Variants in ZFAND4 observed in about 807,000 individuals in gnomAD.
The protein encoded by ZFAND4 is AN1-type zinc finger protein 4.
In ZFAND4, 43 loss-of-function variants were observed where a neutral mutation model predicts 64.4. The ratio of observed to expected loss-of-function variants is 0.67; its 90% CI spans 0.52 to 0.86. The LOEUF (loss-of-function observed/expected upper bound fraction) is 0.86. Among genes scored for constraint, ZFAND4 ranks in the 40% least tolerant of loss-of-function variants. The pLI, the probability that ZFAND4 is intolerant of heterozygous loss-of-function variation, is 0.00. For synonymous variants in ZFAND4, 296 were observed against 305.7 expected (o/e 0.97, Z 0.33); for missense variants, 929 against 859.8 (o/e 1.08, Z -1.01).
In ZFAND4 at chr10:45,663,553, C is replaced by G. The variant is rs1346322819; in HGVS notation, c.173G>C (p.Arg58Pro). ...ETVISVKAKIRRLEGIPICRQ... is the reference protein window; with the variant it reads ...ETVISVKAKIPRLEGIPICRQ... ...AGAAAGATGAGTACCTTCCAATCTT[C>G]GAATTTTTGCTTTCACAGAAATAAC... The change falls in exon 2 of 10, where the codon CGA becomes CCA. Residue 58 changes from arginine (R) to proline (P), a missense_variant. Arg to Pro is a moderately radical substitution (Grantham distance 103). Coordinates refer to ENST00000344646, the MANE Select transcript of ZFAND4 (RefSeq NM_174890.4). 1 of 1,589,980 alleles carries G rather than the reference C, an allele frequency of 6.3e-7. No homozygotes were observed. The highest frequency in any genetic ancestry group is 1.2e-5 in the South Asian group (1 of 85,828).
chr10:45,652,041 T>G lies in ZFAND4; in HGVS notation c.261-8A>C. ...GTACACCCTTCTGAAATGCTGTGGA[T>G]AGTTAACACAAAAATAAATCATAAT... is the stretch of plus-strand genomic sequence containing the variant. On this transcript the variant is annotated splice_region_variant and splice_polypyrimidine_tract_variant and intron_variant, in intron 3 of 9. Transcript: ENST00000344646. 2 of 1,613,366 alleles carry G rather than the reference T, an allele frequency of 1.2e-6. No homozygotes were observed. Among genetic ancestry groups the G allele is most frequent in the Non-Finnish European group, 1.7e-6 (2 of 1,179,462 alleles).
At chr10:45,637,606 C>T (rs559989800) in intron 6 of ZFAND4, among the ~76,000 whole-genome samples, 19 of 151,852 alleles carry the variant, frequency 1.3e-4, no homozygotes, top group African/African-American at 3.4e-4. Context: ...AAAAATTAGC[C>T]GGGCGTGGAG....
chr10:45,647,588 C>A (rs772030851), intron 5 of ZFAND4, among the ~76,000 whole-genome samples: 9 of 151,936 alleles, frequency 5.9e-5, no homozygotes, highest in Admixed American at 5.2e-4. Context: ...TAATAAAGGC[C>A]CTGTCATCTA....
chr10:45,635,229 C>CAAAAAAAAAAAA (rs1216684562), intron 6 of ZFAND4, among the ~76,000 whole-genome samples: 1 of 110,012 alleles, frequency 9.1e-6, no homozygotes, highest in Admixed American at 9.6e-5. Context: ...AAAAAACAAA[C>CAAAAAAAAAAAA]AAAAAAAAAC....
rs553224314 is a variant in ZFAND4, at chr10:45,634,523, T to A, written c.717+5293A>T. ...CAGCCTGGGCAACAGCAAGACTCCA[T>A]CTCAAAAAAAAAAAAAAAGAATTAA... is the stretch of plus-strand genomic sequence containing the variant. On this transcript the variant is annotated intron_variant, in intron 6 of 9. Transcript: ENST00000344646. Among the ~76,000 whole-genome samples, 23 of 142,016 alleles carry A rather than the reference T, an allele frequency of 1.6e-4. No homozygotes were observed. The South Asian group carries it at 3.5e-3, about 22-fold the overall frequency. 93.2% of individuals were successfully genotyped at this position (142,016 alleles called of 152,430 possible). A position where few individuals can be genotyped will look rare whatever the true frequency, so the allele number is the denominator to read the frequency against.
At chr10:45,648,637 G>T in intron 4 of ZFAND4, 103 bp from the exon 5 acceptor site, 1 of 1,235,758 alleles carries the variant, frequency 8.1e-7, no homozygotes, top group Non-Finnish European at 1.1e-6. Context: ...ACAGTCCTGT[G>T]CATATAATAT....
At chr10:45,648,678 T>C in intron 4 of ZFAND4, 144 bp from the exon 5 acceptor site, 3 of 968,824 alleles carry the variant, frequency 3.1e-6, no homozygotes, top group Non-Finnish European at 4.2e-6. Context: ...AAGTTTCTGA[T>C]CTTTCTACAA....
chr10:45,620,545 T>C (rs1213574166), intron 8 of ZFAND4, among the ~76,000 whole-genome samples: 1 of 152,148 alleles, frequency 6.6e-6, no homozygotes, highest in Non-Finnish European at 1.5e-5. Context: ...AGTAATGAGG[T>C]AGCACAAAAA....
At chr10:45,634,201 GA>G (rs2046401072) in intron 6 of ZFAND4, among the ~76,000 whole-genome samples, 1 of 152,140 alleles carries the variant, frequency 6.6e-6, no homozygotes, top group Admixed American at 6.6e-5. Context: ...ATTAATTGAT[GA>G]ATCTAGTCTT....
chr10:45,617,316 C>T (rs1244019162), intron 9 of ZFAND4, among the ~76,000 whole-genome samples: 3 of 151,630 alleles, frequency 2.0e-5, no homozygotes, highest in African/African-American at 7.3e-5. Context: ...TCATTCGAAC[C>T]GAATACACTC....
intron 6 of ZFAND4, among the ~76,000 whole-genome samples, chr10:45,636,068 C>G (rs2046575484): frequency 6.6e-6 from 1 of 151,918 alleles, no homozygotes. Context: ...TAATTTAAAT[C>G]TAAAGAAATG....
intron 6 of ZFAND4, among the ~76,000 whole-genome samples, chr10:45,634,004 A>G (rs1285596176): frequency 1.3e-5 from 2 of 152,216 alleles, no homozygotes; most frequent in Non-Finnish European, 2.9e-5. Flanking sequence ...GGGAAATATG[A>G]ATATAGATGA....
At position 45,646,602 on chromosome 10, in the gene ZFAND4, G is replaced by A. The variant is rs368772672; in HGVS notation, c.569+1692C>T. Among the ~76,000 whole-genome samples the A allele has an allele frequency of 1.1e-4, 17 of 152,266 alleles. No individual in the cohort carries two copies. The East Asian group carries it at 1.5e-3, about 14-fold the overall frequency. On this transcript the variant is annotated intron_variant, in intron 5 of 9. Coordinates refer to ENST00000344646, the MANE Select transcript of ZFAND4 (RefSeq NM_174890.4). ...GGCTGAGGAGAAGCTGGAGTAAGAG[G>A]AGAAAATGACGTTTCAAGCAAAGGA...
chr10:45,663,085 C>T (rs2048579746), intron 2 of ZFAND4, among the ~76,000 whole-genome samples: 1 of 148,632 alleles, frequency 6.7e-6, no homozygotes, highest in African/African-American at 2.5e-5. Context: ...TAAATGTAAG[C>T]CAAAGACTCT....
At chr10:45,633,450 G>C (rs1329304852) in intron 6 of ZFAND4, among the ~76,000 whole-genome samples, 1 of 151,994 alleles carries the variant, frequency 6.6e-6, no homozygotes, top group Non-Finnish European at 1.5e-5. Flanking sequence ...TGCACACATA[G>C]TCCCAGCTAC....
chr10:45,616,455 G>T lies in ZFAND4; in HGVS notation c.2165C>A (p.Pro722Gln). ...LHEANPVVNA[P>Q]KLPKI is the part of the protein sequence containing the mutation. ...GAAGAGTTAGATTTTTGGAAGCTTT[G>T]GTGCATTAACCACAGGATTTGCCTC... The change falls in exon 10 of 10, where the codon CCA becomes CAA. Residue 722 changes from proline (P) to glutamine (Q), a missense_variant. Transcript: ENST00000344646. 2 of 1,614,072 alleles carry T rather than the reference G, an allele frequency of 1.2e-6. No homozygotes were observed. The highest frequency in any genetic ancestry group is 1.7e-6 in the Non-Finnish European group (2 of 1,179,974).
intron 2 of ZFAND4, among the ~76,000 whole-genome samples, chr10:45,656,031 A>G (rs909142923): frequency 6.6e-6 from 1 of 151,302 alleles, no homozygotes; most frequent in Non-Finnish European, 1.5e-5. Flanking sequence ...GGAGATCAAG[A>G]CCATCCTGGC....
At chr10:45,651,797 C>T (rs2047775299) in intron 4 of ZFAND4, among the ~76,000 whole-genome samples, 169 bp downstream of exon 4, 1 of 152,094 alleles carries the variant, frequency 6.6e-6, no homozygotes, top group Non-Finnish European at 1.5e-5. Flanking sequence ...TTTTAGAGTT[C>T]CAGCCTCTAG....
At chr10:45,640,918 C>A (rs181681895) in intron 5 of ZFAND4, among the ~76,000 whole-genome samples, 2 of 152,260 alleles carry the variant, frequency 1.3e-5, no homozygotes, top group East Asian at 3.9e-4. Flanking sequence ...AGCTATTAAA[C>A]AGGTTAAACA....
Sources: allele counts gnomAD v4.1 joint callset (sites outside exome capture counted in the v4.1 genomes callset), GRCh38; gene constraint gnomAD v4.1.1; transcripts MANE v1.5; gene names NCBI Gene and HGNC (gene_info 2026-07-23, HGNC 2026-07-21).